Variants in SLC26A5 observed in about 807,000 individuals in gnomAD.
The protein encoded by SLC26A5 is prestin.
Under a neutral mutation model 81.0 loss-of-function variants are expected in SLC26A5, and 51 were observed. The observed-to-expected ratio is 0.63, with a 90% confidence interval of 0.50 to 0.80. SLC26A5 has a LOEUF of 0.80. Among genes scored for constraint, SLC26A5 ranks in the 30% least tolerant of loss-of-function variants. The probability of loss-of-function intolerance (pLI) is 0.00; values close to 1 mark genes in which losing one functional copy is unlikely to be tolerated. For synonymous variants in SLC26A5, 325 were observed against 332.8 expected, an observed-to-expected ratio of 0.98 and a Z score of 0.25; for missense variants, 771 against 905.8, an observed-to-expected ratio of 0.85 and a Z score of 1.91.
intron 4 of SLC26A5, among the ~76,000 whole-genome samples, chr7:103,418,498 AC>A (rs1825095460): frequency 6.6e-6 from 1 of 151,568 alleles, no homozygotes; most frequent in Non-Finnish European, 1.5e-5. Flanking sequence ...TCCGCTCCTC[AC>A]CCTGCCCTTG....
At chr7:103,415,259 TA>T (rs1330818895) in intron 4 of SLC26A5, among the ~76,000 whole-genome samples, 1 of 152,222 alleles carries the variant, frequency 6.6e-6, no homozygotes, top group Non-Finnish European at 1.5e-5. Context: ...GCATACGATT[TA>T]AAAAGCCAAG....
At chr7:103,425,128 C>T (rs79632861) in intron 2 of SLC26A5, among the ~76,000 whole-genome samples, 3,256 of 152,288 alleles carry the variant, frequency 0.021, 123 homozygotes, top group African/African-American at 0.073. Flanking sequence ...AGTATAAACA[C>T]AAGAGGGTGG....
intron 4 of SLC26A5, among the ~76,000 whole-genome samples, chr7:103,413,707 A>G (rs1824684876): frequency 1.3e-5 from 2 of 152,050 alleles, no homozygotes; most frequent in Admixed American, 1.3e-4. Context: ...TTTACTCCCA[A>G]GAAACTTTGG....
At chr7:103,389,284 T>C in intron 13 of SLC26A5, 45 bp downstream of exon 13, 1 of 1,401,316 alleles carries the variant, frequency 7.1e-7, no homozygotes, top group Non-Finnish European at 1.0e-6. Context: ...ACTAATCATA[T>C]CTGCTCTATG....
At chr7:103,412,553 G>GT (rs565602326) in intron 5 of SLC26A5, among the ~76,000 whole-genome samples, 8,085 of 114,282 alleles carry the variant, frequency 0.071, 367 homozygotes, top group African/African-American at 0.15. Context: ...TTTTTTTTTT[G>GT]TTTTTTTTTT....
rs765138134 is a variant in SLC26A5, at chr7:103,391,660, G to C, written c.1195C>G (p.Arg399Gly). The stretch of plus-strand genomic sequence containing the variant: ...CCGGTTCCCTCCTGAACAAGGCTTC[G>C]AGACAAGGAGCATGAAATTGAAAAG... ...QTFSISCSLS[R>G]SLVQEGTGGK... The change falls in exon 11 of 20, where the codon CGA (arginine) becomes GGA (glycine). Residue 399 changes from arginine to glycine, a missense_variant. Physicochemically the swap from Arg to Gly is moderately radical, Grantham distance 125. Coordinates refer to ENST00000306312, the MANE Select transcript of SLC26A5 (RefSeq NM_198999.3). 6.2e-7 allele frequency: 1 copy of C among 1,614,118 alleles called. No individual in the cohort carries two copies. The highest frequency in any genetic ancestry group is 2.2e-5 in the East Asian group (1 of 44,876).
intron 19 of SLC26A5, among the ~76,000 whole-genome samples, chr7:103,366,677 A>G (rs558115978): frequency 2.2e-4 from 33 of 152,364 alleles, no homozygotes; most frequent in African/African-American, 7.9e-4. Flanking sequence ...ATTGAGAAGT[A>G]TCATCTAATG....
chr7:103,434,728 T>C (rs946210445), intron 2 of SLC26A5, among the ~76,000 whole-genome samples: 2 of 152,312 alleles, frequency 1.3e-5, no homozygotes, highest in East Asian at 3.9e-4. Context: ...CTCAGCTCAC[T>C]GAAACCTCTG....
chr7:103,419,420 C>T (rs967783123), intron 4 of SLC26A5, among the ~76,000 whole-genome samples: 1 of 152,142 alleles, frequency 6.6e-6, no homozygotes, highest in African/African-American at 2.4e-5. Context: ...TTCTTTGTAC[C>T]ATACCCAATT....
At chr7:103,412,974 T>TGTATTATAG in intron 5 of SLC26A5, 28 bp downstream of exon 5, 1 of 1,432,096 alleles carries the variant, frequency 7.0e-7, no homozygotes. Flanking sequence ...CAAGGAAAGG[T>TGTATTATAG]AATAGAATAT....
At position 103,379,248 on chromosome 7, in the gene SLC26A5, G is replaced by A. The variant is rs763702424; in HGVS notation, c.1672C>T (p.Arg558Ter). 6.9e-6 allele frequency: 11 copies of A among 1,605,318 alleles called. No homozygotes were observed. The highest frequency in any genetic ancestry group is 1.3e-5 in the African/African-American group (1 of 74,624). Residue 558 changes from arginine to a stop codon, truncating the protein, a stop_gained, in exon 16 of 20, where the codon CGA (arginine) becomes TGA (stop). Transcript: ENST00000306312. LOFTEE classifies it high-confidence loss of function. ...NSDLYSNALKRKTGVNPAVIM... is the reference protein window; with the variant it reads ...NSDLYSNALK Reference sequence around the variant, plus strand: ...ATCAATTTCTCATGACTCACCTTTCGTTTTAATGCATTGCTATACAAGTCG... The same window carrying A: ...ATCAATTTCTCATGACTCACCTTTCATTTTAATGCATTGCTATACAAGTCG...
rs138392592 is a variant in SLC26A5 at position 103,355,128 on chromosome 7, G to C, written c.2042-2202C>G. On this transcript the variant is annotated intron_variant, in intron 19 of 19. Transcript: ENST00000339444. ...ATCTTTCACTGCTTTTTACAACCAG[G>C]TTTAATGCTTATGCAGTTAAGAAAT... Among the ~76,000 whole-genome samples, 14 of 152,212 alleles carry C rather than the reference G, an allele frequency of 9.2e-5. No individual in the cohort carries two copies. In the East Asian group the frequency reaches 2.5e-3, roughly 27 times the overall value.
intron 2 of SLC26A5, among the ~76,000 whole-genome samples, chr7:103,440,073 A>G (rs1434003130): frequency 1.3e-5 from 2 of 152,168 alleles, no homozygotes; most frequent in African/African-American, 4.8e-5. Context: ...AACACTATCT[A>G]ACCTACATGA....
rs1034228158 is a variant in SLC26A5 at position 103,422,970 on chromosome 7, T to C, written c.-53-1403A>G. Among the ~76,000 whole-genome samples, 6 of 148,040 alleles carry C rather than the reference T, an allele frequency of 4.1e-5. 1 individual carries two copies. The highest frequency in any genetic ancestry group is 2.7e-4 in the Admixed American group (4 of 14,992). On this transcript the variant is annotated intron_variant, in intron 2 of 19. Coordinates refer to ENST00000306312, the MANE Select transcript of SLC26A5 (RefSeq NM_198999.3). ...TCATCAAAATGAAATCACATTCAAA[T>C]TGAAATCAAGGCCAGGCATGGAGGC...
chr7:103,367,905 A>G lies in SLC26A5; in HGVS notation c.2041+8903T>C. The G allele has an allele frequency of 6.2e-7, 1 of 1,613,600 alleles. No individual in the cohort carries two copies. Among genetic ancestry groups the G allele is most frequent in the East Asian group, 2.2e-5 (1 of 44,866 alleles). On this transcript the variant is annotated intron_variant, in intron 19 of 19. Coordinates refer to the SLC26A5 transcript ENST00000339444. This position sits in a 1 kb window ranked among gnomAD's most constrained non-coding sequence, Gnocchi z 6.1. Reference sequence around the variant, plus strand: ...TTCTTTTTGTTTGAAAGGTGCTGAGATTAGAAGCGTCTGCACAGAGGCTGG... The same window carrying G: ...TTCTTTTTGTTTGAAAGGTGCTGAGGTTAGAAGCGTCTGCACAGAGGCTGG...
In SLC26A5 at chr7:103,413,106, G is replaced by T; in HGVS notation, c.299C>A (p.Ala100Asp). 6.2e-7 allele frequency: 1 copy of T among 1,611,560 alleles called. No individual in the cohort carries two copies. Among genetic ancestry groups the T allele is most frequent in the Non-Finnish European group, 8.5e-7 (1 of 1,177,804 alleles). Residue 100 changes from alanine to aspartate, a missense_variant, in exon 5 of 20, where the codon GCC (alanine) becomes GAC (aspartate). Coordinates refer to ENST00000306312, the MANE Select transcript of SLC26A5 (RefSeq NM_198999.3). ...AGGCACAGCTGCCAGCATTGCAAAGGCTAAGCCTGTGGGATTAAAAACCAA... is the reference window on the plus strand; with the variant it reads ...AGGCACAGCTGCCAGCATTGCAAAGTCTAAGCCTGTGGGATTAAAAACCAA... Reference protein sequence around the residue: ...TGVLQLPQGLAFAMLAAVPPI... With the variant: ...TGVLQLPQGLDFAMLAAVPPI...
intron 19 of SLC26A5, among the ~76,000 whole-genome samples, chr7:103,357,326 CAAA>C (rs762310758): frequency 1.2e-4 from 9 of 77,796 alleles, no homozygotes; most frequent in South Asian, 8.0e-4. Flanking sequence ...TACTCTGTCT[CAAA>C]AAAAAAAAAA....
chr7:103,403,694 G>C (rs1483464950), intron 8 of SLC26A5, among the ~76,000 whole-genome samples: 1 of 137,724 alleles, frequency 7.3e-6, no homozygotes, highest in African/African-American at 3.1e-5. Flanking sequence ...GCAATCCCCT[G>C]CTTTTTTTTT....
intron 19 of SLC26A5, chr7:103,363,289 G>A (rs1820519188): frequency 1.3e-5 from 18 of 1,395,476 alleles, no homozygotes; most frequent in Admixed American, 3.4e-5. Context: ...ATTGAATTTG[G>A]ACAGTATCCA....
Sources: gnomAD v4.1 joint callset for allele counts (sites outside exome capture counted in the v4.1 genomes callset) on GRCh38, gnomAD v4.1.1 for gene constraint, Gnocchi (gnomAD v3.1) non-coding constraint, MANE v1.5 for transcripts, NCBI Gene and HGNC (gene_info 2026-07-23, HGNC 2026-07-21) for gene names.